The following ATRN variants were observed in gnomAD, a reference collection of about 807,000 sequenced individuals.
The protein encoded by ATRN is attractin, also known as attractin-2.
A neutral mutation model predicts 178.7 loss-of-function variants in ATRN; 54 were observed. That is an observed-to-expected ratio of 0.30 (90% CI 0.24 to 0.38). The LOEUF (loss-of-function observed/expected upper bound fraction) is 0.38, where lower values mean the gene tolerates loss of function less well. ATRN is among the 10% of genes least tolerant of loss of function. The pLI is 1.00. For synonymous variants in ATRN, 636 were observed against 663.0 expected (o/e 0.96, Z 0.63); for missense variants, 1,443 against 1,815.1 (o/e 0.79, Z 3.73).
intron 25 of ATRN, among the ~76,000 whole-genome samples, chr20:3,627,702 A>T (rs868569645): frequency 6.6e-6 from 1 of 152,260 alleles, no homozygotes; most frequent in Non-Finnish European, 1.5e-5. Flanking sequence ...CTTTATGTGA[A>T]TGAATTTGAA....
At chr20:3,631,805 C>G (rs1161033175) in intron 25 of ATRN, among the ~76,000 whole-genome samples, 1 of 152,166 alleles carries the variant, frequency 6.6e-6, no homozygotes, top group Non-Finnish European at 1.5e-5. Flanking sequence ...TCATGCTCTT[C>G]CTTGTGGATT....
At chr20:3,542,536 A>AG (rs2085637455) in intron 3 of ATRN, among the ~76,000 whole-genome samples, 1 of 150,206 alleles carries the variant, frequency 6.7e-6, no homozygotes, top group Non-Finnish European at 1.5e-5. Flanking sequence ...TGTGATCTAG[A>AG]GGAACCCTTC....
At chr20:3,508,877 G>T (rs1215643848) in intron 1 of ATRN, among the ~76,000 whole-genome samples, 1 of 152,136 alleles carries the variant, frequency 6.6e-6, no homozygotes, top group Non-Finnish European at 1.5e-5. Context: ...CCAGGAAATG[G>T]TATAAGTACT....
intron 26 of ATRN, among the ~76,000 whole-genome samples, chr20:3,636,764 G>A (rs1323725903): frequency 6.6e-6 from 1 of 152,206 alleles, no homozygotes; most frequent in Non-Finnish European, 1.5e-5. Flanking sequence ...AGAGGCAGAC[G>A]AGGCTTTAAC....
chr20:3,493,657 C>T (rs112227061), intron 1 of ATRN, among the ~76,000 whole-genome samples: 1 of 152,110 alleles, frequency 6.6e-6, no homozygotes, highest in Admixed American at 6.6e-5. Flanking sequence ...AATGGACTTT[C>T]TTTGTTCTTG....
intron 18 of ATRN, among the ~76,000 whole-genome samples, chr20:3,588,825 C>T (rs1002743821): frequency 6.6e-6 from 1 of 152,040 alleles, no homozygotes; most frequent in African/African-American, 2.4e-5. Flanking sequence ...TTTTTCTTTA[C>T]AGGAAAATTT....
intron 23 of ATRN, among the ~76,000 whole-genome samples, chr20:3,601,248 G>A (rs1006611072): frequency 9.2e-5 from 14 of 152,186 alleles, no homozygotes; most frequent in African/African-American, 3.1e-4. Flanking sequence ...TCTTAGAATT[G>A]TTGTATAGAT....
At chr20:3,573,182 G>A (rs73893032) in intron 12 of ATRN, among the ~76,000 whole-genome samples, 16 of 152,244 alleles carry the variant, frequency 1.1e-4, no homozygotes, top group African/African-American at 3.9e-4. Context: ...AGACATAACC[G>A]TTTTGGCATT....
At chr20:3,588,070 C>G (rs1030942637) in intron 18 of ATRN, among the ~76,000 whole-genome samples, 8 of 152,184 alleles carry the variant, frequency 5.3e-5, no homozygotes, top group Admixed American at 3.3e-4. Context: ...TGGTCTTGAA[C>G]TCCTGAGCTC....
At chr20:3,602,448 A>G (rs17782946) in intron 23 of ATRN, among the ~76,000 whole-genome samples, 5,816 of 152,308 alleles carry the variant, frequency 0.038, 151 homozygotes, top group Non-Finnish European at 0.056. Context: ...ATATTTTATC[A>G]TTATTACTAT....
Position 3,525,459 on chromosome 20 carries a change from T to C in ATRN, c.411-9794T>C, listed in dbSNP as rs894370030. ...GGCCCAGACAGATTCACAGCCGAAT[T>C]CTACCAGAGGTACAAAGAGGAGCTG... On this transcript the variant is annotated intron_variant, in intron 1 of 28. Coordinates refer to ENST00000262919, the MANE Select transcript of ATRN (RefSeq NM_139321.3). 2.0e-5 allele frequency among the ~76,000 whole-genome samples: 3 copies of C among 152,318 alleles called. No homozygotes were observed. In the East Asian group the frequency reaches 5.8e-4, roughly 29 times the overall value.
In ATRN at chr20:3,486,947, A is replaced by G. The variant is rs939071268; in HGVS notation, c.410+15430A>G. Among the ~76,000 whole-genome samples, 5 of 152,260 alleles carry G rather than the reference A, an allele frequency of 3.3e-5. No homozygotes were observed. In the East Asian group the frequency reaches 9.7e-4, roughly 29 times the overall value. ...TATTATCTCTTAGTACGACTTTTAG[A>G]CAGACACATGTTGCCTATTCTTTTT... is the stretch of plus-strand genomic sequence containing the variant. On this transcript the variant is annotated intron_variant, in intron 1 of 28. Transcript: ENST00000262919.
In ATRN at chr20:3,547,411, G is replaced by A. The variant is rs755148899; in HGVS notation, c.865G>A (p.Asp289Asn). Residue 289 changes from aspartate to asparagine, a missense_variant, in exon 5 of 29, where the codon GAC (aspartate) becomes AAC (asparagine). Around this residue, in one of 4 missense-constraint regions of ATRN, gnomAD observed 862 missense variants for 972.1 expected, o/e 0.89. Coordinates refer to ENST00000262919, the MANE Select transcript of ATRN (RefSeq NM_139321.3). ...GEACDIPHCTDNCGFPHRGIC... is the reference protein window; with the variant it reads ...GEACDIPHCTNNCGFPHRGIC... ...AGCATGTGACATTCCTCACTGTACA[G>A]ACAACTGTGGTTTTCCTCATCGAGG... is the stretch of plus-strand genomic sequence containing the variant. The A allele has an allele frequency of 6.2e-7, 1 of 1,613,978 alleles. No individual in the cohort carries two copies. The highest frequency in any genetic ancestry group is 1.3e-5 in the African/African-American group (1 of 74,942).
chr20:3,626,943 C>A (rs375717987), intron 25 of ATRN, among the ~76,000 whole-genome samples: 8 of 152,050 alleles, frequency 5.3e-5, no homozygotes, highest in African/African-American at 1.9e-4. Context: ...CGTGCCACCA[C>A]GCATGGCTAA....
intron 1 of ATRN, among the ~76,000 whole-genome samples, chr20:3,504,786 A>T (rs148960904): frequency 0.012 from 1,836 of 151,366 alleles, 35 homozygotes; most frequent in African/African-American, 0.042. Context: ...TTGATGATAG[A>T]ATAAAAAATA....
At chr20:3,587,656 G>A (rs1161658765) in intron 18 of ATRN, among the ~76,000 whole-genome samples, 1 of 152,040 alleles carries the variant, frequency 6.6e-6, no homozygotes, top group African/African-American at 2.4e-5. Context: ...AAATTGGGAA[G>A]GCTAAGTCCT....
intron 1 of ATRN, among the ~76,000 whole-genome samples, chr20:3,526,908 A>T (rs1032415331): frequency 6.6e-6 from 1 of 152,186 alleles, no homozygotes; most frequent in Non-Finnish European, 1.5e-5. Flanking sequence ...CCCCTTCCTT[A>T]TACCTTATAC....
In ATRN at chr20:3,549,285, G is replaced by A. The variant is rs768157365; in HGVS notation, c.1059G>A (p.Met353Ile). 2 of 1,609,636 alleles carry A rather than the reference G, an allele frequency of 1.2e-6. No homozygotes were observed. Among genetic ancestry groups the A allele is most frequent in the South Asian group, 1.1e-5 (1 of 89,916 alleles). The part of the protein sequence containing the change: ...SHKAVVNGNI[M>I]WVVGGYMFNH... The stretch of plus-strand genomic sequence containing the variant: ...AAGCTGTGGTCAATGGAAACATTAT[G>A]TGGGTTGTTGGAGGATATATGTTCA... The change falls in exon 6 of 29, where the codon ATG becomes ATA. Residue 353 changes from methionine (M) to isoleucine (I), a missense_variant. Around this residue, in one of 4 missense-constraint regions of ATRN, gnomAD observed 862 missense variants for 972.1 expected, o/e 0.89. Transcript: ENST00000262919.
intron 25 of ATRN, among the ~76,000 whole-genome samples, chr20:3,633,861 C>T (rs1015131722): frequency 6.6e-6 from 1 of 152,186 alleles, no homozygotes; most frequent in African/African-American, 2.4e-5. Flanking sequence ...CTAATAATTA[C>T]ACACATTTCT....
Sources: allele counts gnomAD v4.1 joint callset (sites outside exome capture counted in the v4.1 genomes callset), GRCh38; gene constraint gnomAD v4.1.1; regional missense constraint gnomAD v4.1.1; transcripts MANE v1.5; gene names NCBI Gene and HGNC (gene_info 2026-07-23, HGNC 2026-07-21).